The following ACSM1 variants were observed in gnomAD, a reference collection of about 807,000 sequenced individuals.
The protein encoded by ACSM1 is acyl-coenzyme A synthetase ACSM1, mitochondrial.
Under a neutral mutation model 75.8 loss-of-function variants are expected in ACSM1, and 79 were observed. The ratio of observed to expected loss-of-function variants is 1.04; its 90% CI spans 0.87 to 1.26. ACSM1 has a LOEUF of 1.26. Among genes scored for constraint, ACSM1 ranks in the 50% most tolerant of loss-of-function variants. The pLI is 0.00. For synonymous variants in ACSM1, 279 were observed against 265.8 expected, an observed-to-expected ratio of 1.05 and a Z score of -0.48; for missense variants, 676 against 720.1, an observed-to-expected ratio of 0.94 and a Z score of 0.70.
At chr16:20,684,016 GGA>G (rs1449891126) in intron 3 of ACSM1, among the ~76,000 whole-genome samples, 1 of 152,012 alleles carries the variant, frequency 6.6e-6, no homozygotes, top group African/African-American at 2.4e-5. Context: ...AATATGAGAC[GGA>G]GAGAGAGAAA....
chr16:20,684,422 G>A lies in ACSM1; in HGVS notation c.403+771C>T, dbSNP rs185837764. Among the ~76,000 whole-genome samples, 7 of 152,314 alleles carry A rather than the reference G, an allele frequency of 4.6e-5. No homozygotes were observed. The East Asian group carries it at 1.3e-3, about 29-fold the overall frequency. ...ACCACCTTGCTTAAGTGATAAAACA[G>A]TATAACTGAAGAGGGAACAAACTGA... On this transcript the variant is annotated intron_variant, in intron 3 of 13. Transcript: ENST00000520010.
intron 3 of ACSM1, 24 bp from the exon 4 acceptor site, chr16:20,682,487 T>G (rs2079468279): frequency 6.3e-7 from 1 of 1,598,940 alleles, no homozygotes; most frequent in East Asian, 2.2e-5. Context: ...AGGAACTGAT[T>G]GTTTTGGTTT....
At chr16:20,651,381 C>A (rs1311830504) in intron 7 of ACSM1, among the ~76,000 whole-genome samples, 1 of 152,192 alleles carries the variant, frequency 6.6e-6, no homozygotes, top group Non-Finnish European at 1.5e-5. Flanking sequence ...GCAATCCCAG[C>A]ACTTCAGGAG....
intron 10 of ACSM1, among the ~76,000 whole-genome samples, chr16:20,636,005 TC>T: frequency 6.6e-6 from 1 of 152,236 alleles, no homozygotes; most frequent in East Asian, 1.9e-4. Context: ...GCCTGTATGT[TC>T]CCCTTTGGTC....
At chr16:20,647,983 G>T (rs933659632) in intron 7 of ACSM1, among the ~76,000 whole-genome samples, 2 of 152,132 alleles carry the variant, frequency 1.3e-5, no homozygotes, top group African/African-American at 4.8e-5. Context: ...TCCTTTGTTG[G>T]ATTACCAATA....
Position 20,640,383 on chromosome 16 carries a change from G to A in ACSM1, c.1116+78C>T, listed in dbSNP as rs371285032. On this transcript the variant is annotated intron_variant, in intron 8 of 13. Coordinates refer to ENST00000520010, the MANE Select transcript of ACSM1 (RefSeq NM_001318890.3). ...AGGCACAAACCTGTTTCCCAGATGC[G>A]TGTCATTAACCTTAGCAAAATAATC... 1.4e-3 allele frequency: 2,156 copies of A among 1,526,590 alleles called. 47 individuals are homozygous for A. The South Asian group carries it at 0.023, about 16-fold the overall frequency. 94.6% of individuals were successfully genotyped at this position (1,526,590 alleles called of 1,614,324 possible). A position where few individuals can be genotyped will look rare whatever the true frequency, so the allele number is the denominator to read the frequency against.
intron 1 of ACSM1, among the ~76,000 whole-genome samples, chr16:20,693,897 G>A (rs191685930): frequency 2.3e-3 from 357 of 152,266 alleles, no homozygotes; most frequent in African/African-American, 8.3e-3. Context: ...ATCTAATTAG[G>A]AATAAATAGT....
Position 20,636,854 on chromosome 16 carries a change from C to T in ACSM1, c.1198-14G>A, listed in dbSNP as rs2017748713. ...GTCATCAATGACCTGTAGCAAGAGGCCTGTGAATCATACACTGCAGGAGGC... is the reference window on the plus strand; with the variant it reads ...GTCATCAATGACCTGTAGCAAGAGGTCTGTGAATCATACACTGCAGGAGGC... On this transcript the variant is annotated splice_polypyrimidine_tract_variant and intron_variant, in intron 9 of 13. Transcript: ENST00000520010. 1 of 1,607,012 alleles carries T rather than the reference C, an allele frequency of 6.2e-7. No homozygotes were observed. Among genetic ancestry groups the T allele is most frequent in the Non-Finnish European group, 8.5e-7 (1 of 1,174,218 alleles).
At chr16:20,660,080 A>G (rs745368918) in intron 7 of ACSM1, among the ~76,000 whole-genome samples, 7 of 152,194 alleles carry the variant, frequency 4.6e-5, no homozygotes, top group Non-Finnish European at 8.8e-5. Flanking sequence ...GGGCTGTGTC[A>G]TGGGTCATGG....
At position 20,685,188 on chromosome 16, in the gene ACSM1, C is replaced by A; in HGVS notation, c.403+5G>T. 1 of 1,614,178 alleles carries A rather than the reference C, an allele frequency of 6.2e-7. No individual in the cohort carries two copies. The highest frequency in any genetic ancestry group is 1.3e-5 in the African/African-American group (1 of 75,056). Reference sequence around the variant, plus strand: ...GGTCCACCAGGTCCCTCTTGCATCACTGACCTGTTCGCATGCAGCCCACAG... The same window carrying A: ...GGTCCACCAGGTCCCTCTTGCATCAATGACCTGTTCGCATGCAGCCCACAG... On this transcript the variant is annotated splice_donor_5th_base_variant and intron_variant, in intron 3 of 13. Transcript: ENST00000520010.
intron 1 of ACSM1, among the ~76,000 whole-genome samples, chr16:20,693,550 G>A (rs145155465): frequency 4.7e-4 from 72 of 152,154 alleles, no homozygotes; most frequent in South Asian, 1.9e-3. Flanking sequence ...ATAAAATACC[G>A]GCTGACAACA....
At chr16:20,640,735 G>A (rs2018006116) in intron 7 of ACSM1, 151 bp from the exon 8 acceptor site, 18 of 1,339,650 alleles carry the variant, frequency 1.3e-5, no homozygotes, top group Non-Finnish European at 1.6e-5. Flanking sequence ...ATGGCCAAGT[G>A]GATGTCACTC....
chr16:20,682,322 A>T lies in ACSM1; in HGVS notation c.545T>A (p.Leu182Gln). Residue 182 changes from leucine to glutamine, a missense_variant, in exon 4 of 14, where the codon CTG becomes CAG. Leu to Gln is a moderately radical substitution (Grantham distance 113, BLOSUM62 -2). Transcript: ENST00000520010. ...ATCAGACACCAGGAGCTTGGTTTTC[A>T]GAGAGGGGCACTGAGAAGCTATGGA... ...VDSIASQCPS[L>Q]KTKLLVSDHS... is the part of the protein sequence containing the mutation. The T allele has an allele frequency of 6.2e-7, 1 of 1,614,016 alleles. No individual in the cohort carries two copies. The highest frequency in any genetic ancestry group is 8.5e-7 in the Non-Finnish European group (1 of 1,179,982).
chr16:20,630,104 T>C (rs2017250332), intron 10 of ACSM1, among the ~76,000 whole-genome samples: 1 of 150,078 alleles, frequency 6.7e-6, no homozygotes, highest in Non-Finnish European at 1.5e-5. Context: ...TATACTAATA[T>C]CCGACAGAAA....
chr16:20,667,917 A>AT (rs541061919), intron 6 of ACSM1, among the ~76,000 whole-genome samples: 2 of 152,174 alleles, frequency 1.3e-5, no homozygotes, highest in South Asian at 4.1e-4. Context: ...ACCAAACATC[A>AT]TTTTTTTCTC....
chr16:20,628,824 A>T (rs773388210), intron 10 of ACSM1, among the ~76,000 whole-genome samples: 7 of 152,116 alleles, frequency 4.6e-5, no homozygotes, highest in South Asian at 4.1e-4. Context: ...AGCTTGAGGG[A>T]GGCACATTTG....
At chr16:20,653,408 A>C (rs1787209239) in intron 7 of ACSM1, among the ~76,000 whole-genome samples, 1 of 152,216 alleles carries the variant, frequency 6.6e-6, no homozygotes, top group South Asian at 2.1e-4. Flanking sequence ...GGCCAGGGCA[A>C]TCAGGCAGGA....
intron 12 of ACSM1, 34 bp from the exon 13 acceptor site, chr16:20,624,249 C>A: frequency 6.4e-7 from 1 of 1,571,692 alleles, no homozygotes; most frequent in Non-Finnish European, 8.6e-7. Flanking sequence ...ACAGTGAGTG[C>A]CAACCTACTC....
intron 10 of ACSM1, among the ~76,000 whole-genome samples, chr16:20,633,837 C>G (rs1346729261): frequency 6.6e-6 from 1 of 152,068 alleles, no homozygotes; most frequent in East Asian, 1.9e-4. Flanking sequence ...TCAAAACAAA[C>G]CTGGGCAATA....
Sources: allele counts gnomAD v4.1 joint callset (sites outside exome capture counted in the v4.1 genomes callset), GRCh38; gene constraint gnomAD v4.1.1; transcripts MANE v1.5; gene names NCBI Gene and HGNC (gene_info 2026-07-23, HGNC 2026-07-21).